Variants in DNAH6 observed in about 807,000 individuals in gnomAD.
DNAH6 encodes axonemal beta dynein heavy chain 6.
In DNAH6, 340 loss-of-function variants were observed where a neutral mutation model predicts 491.4. The ratio of observed to expected loss-of-function variants is 0.69; its 90% CI spans 0.63 to 0.76. The LOEUF (loss-of-function observed/expected upper bound fraction) is 0.76, where lower values mean the gene tolerates loss of function less well. DNAH6 is among the 30% of genes least tolerant of loss of function. DNAH6 has a pLI of 0.00. For missense variants in DNAH6, 4,443 were observed against 4,972.2 expected, an observed-to-expected ratio of 0.89 and a Z score of 3.20; for synonymous variants, 1,603 against 1,686.1, an observed-to-expected ratio of 0.95 and a Z score of 1.21.
upstream of DNAH6, among the ~76,000 whole-genome samples, chr2:84,513,040 C>A (rs190501274): frequency 2.6e-5 from 4 of 151,756 alleles, no homozygotes; most frequent in African/African-American, 7.2e-5. Flanking sequence ...TTTTTCAATT[C>A]TTTCACTATT....
chr2:84,773,896 T>A (rs1675875938), intron 64 of DNAH6, among the ~76,000 whole-genome samples: 1 of 152,134 alleles, frequency 6.6e-6, no homozygotes. Context: ...TTGAGAAGTG[T>A]CTATTCATAT....
the DNAH6 span, among the ~76,000 whole-genome samples, chr2:84,466,191 T>A: frequency 1.3e-5 from 2 of 152,222 alleles, no homozygotes; most frequent in Admixed American, 1.3e-4. Context: ...CCAGAAACCC[T>A]GTACAGGGAT....
At chr2:84,582,579 G>A (rs988249125) in intron 14 of DNAH6, among the ~76,000 whole-genome samples, 2 of 152,204 alleles carry the variant, frequency 1.3e-5, no homozygotes, top group African/African-American at 4.8e-5. Flanking sequence ...AGCCTCCTGA[G>A]TAGCTGGGAC....
intron 69 of DNAH6, among the ~76,000 whole-genome samples, chr2:84,797,128 A>C (rs1243462548): frequency 1.3e-5 from 2 of 152,226 alleles, no homozygotes; most frequent in Non-Finnish European, 2.9e-5. Flanking sequence ...TGTAGCTTTT[A>C]GTTTGGGCAA....
At position 84,640,449 on chromosome 2, in the gene DNAH6, G is replaced by T; in HGVS notation, c.4841G>T (p.Gly1614Val). Reference protein sequence around the residue: ...LIAEVILYSEGFESSKILARK... With the variant: ...LIAEVILYSEVFESSKILARK... ...TTCTAGGTAATTCTATATTCTGAAG[G>T]ATTTGAATCCAGTAAAATATTAGCA... Residue 1614 changes from glycine to valine, a missense_variant, in exon 32 of 77, where the codon GGA (glycine) becomes GTA (valine). By Grantham distance (109) the Gly-to-Val change is moderately radical (BLOSUM62 -3). Transcript: ENST00000389394. 1 of 1,512,516 alleles carries T rather than the reference G, an allele frequency of 6.6e-7. No homozygotes were observed. The highest frequency in any genetic ancestry group is 1.2e-5 in the South Asian group (1 of 82,966). The allele number at this position is 1,512,516 out of a possible 1,614,324, so 93.7% of individuals were successfully genotyped here.
chr2:84,766,683 G>A (rs963690508), intron 64 of DNAH6, among the ~76,000 whole-genome samples: 3 of 152,082 alleles, frequency 2.0e-5, no homozygotes, highest in Non-Finnish European at 4.4e-5. Context: ...AAATAGTGAA[G>A]AATATTTAGG....
intron 18 of DNAH6, among the ~76,000 whole-genome samples, chr2:84,596,514 A>G (rs867032512): frequency 2.0e-5 from 3 of 152,016 alleles, no homozygotes; most frequent in African/African-American, 7.2e-5. Context: ...TTTTTTCAGT[A>G]GAGACAGGGT....
intron 62 of DNAH6, among the ~76,000 whole-genome samples, chr2:84,737,871 T>C (rs1699648095): frequency 6.6e-6 from 1 of 152,028 alleles, no homozygotes; most frequent in Admixed American, 6.6e-5. Context: ...CTTCTGCTAG[T>C]TTGGAGTTTC....
At chr2:84,730,415 C>A (rs1039378963) in intron 61 of DNAH6, among the ~76,000 whole-genome samples, 2 of 152,188 alleles carry the variant, frequency 1.3e-5, no homozygotes, top group African/African-American at 4.8e-5. Context: ...TATATTCAGT[C>A]CATACAACTA....
the DNAH6 span, among the ~76,000 whole-genome samples, chr2:84,476,577 CTCT>C: frequency 6.6e-6 from 1 of 152,164 alleles, no homozygotes; most frequent in Non-Finnish European, 1.5e-5. Flanking sequence ...ACTCATCCTC[CTCT>C]TCTTCATCTG....
chr2:84,514,872 C>CACACACACAG (rs758583214), upstream of DNAH6, among the ~76,000 whole-genome samples: 107 of 150,648 alleles, frequency 7.1e-4, no homozygotes, highest in Non-Finnish European at 1.3e-3. Flanking sequence ...CACAGTCACA[C>CACACACACAG]ACACACACAC....
intron 10 of DNAH6, among the ~76,000 whole-genome samples, chr2:84,554,277 C>T (rs373770720): frequency 6.6e-6 from 1 of 152,174 alleles, no homozygotes; most frequent in East Asian, 1.9e-4. Flanking sequence ...TATCCCCCTA[C>T]CTTTGCTGCA....
chr2:84,489,297 G>A, the DNAH6 span, among the ~76,000 whole-genome samples: 1 of 152,042 alleles, frequency 6.6e-6, no homozygotes, highest in African/African-American at 2.4e-5. Flanking sequence ...TGTTGAATCA[G>A]GGAGGCATCA....
intron 41 of DNAH6, among the ~76,000 whole-genome samples, chr2:84,678,883 A>G (rs1311755156): frequency 6.6e-6 from 1 of 152,228 alleles, no homozygotes; most frequent in Non-Finnish European, 1.5e-5. Flanking sequence ...CAGGTGGGAA[A>G]GAATATTGCT....
the DNAH6 span, among the ~76,000 whole-genome samples, chr2:84,495,246 T>TCCAC: frequency 3.9e-5 from 6 of 152,246 alleles, no homozygotes; most frequent in Non-Finnish European, 7.3e-5. Flanking sequence ...CACTGCAACC[T>TCCAC]CCACCTCCCG....
At chr2:84,605,295 GTGAGCCGAGGTTACACCACCGCACT>G (rs951619663) in intron 19 of DNAH6, among the ~76,000 whole-genome samples, 180 bp from the exon 20 acceptor site, 1 of 148,566 alleles carries the variant, frequency 6.7e-6, no homozygotes, top group Non-Finnish European at 1.5e-5. Flanking sequence ...GGAGCTTGCA[GTGAGCCGAGGTTACACCACCGCACT>G]CCAGCCTGGG....
intron 15 of DNAH6, chr2:84,584,606 T>C (rs549002219): frequency 5.1e-6 from 1 of 196,344 alleles, no homozygotes; most frequent in African/African-American, 2.4e-5. Context: ...GTGAATACAT[T>C]TCAGACTATC....
At chr2:84,691,707 AC>A (rs1392917703) in intron 45 of DNAH6, among the ~76,000 whole-genome samples, 2 of 152,266 alleles carry the variant, frequency 1.3e-5, no homozygotes, top group Non-Finnish European at 2.9e-5. Context: ...GTATGTTTCA[AC>A]AAACTTTATT....
chr2:84,526,002 GTTA>G (rs981122852), intron 3 of DNAH6, among the ~76,000 whole-genome samples: 2 of 152,102 alleles, frequency 1.3e-5, no homozygotes, highest in South Asian at 2.1e-4. Flanking sequence ...TATTTTGAAT[GTTA>G]TTATAACTTT....
Sources: allele counts gnomAD v4.1 joint callset (sites outside exome capture counted in the v4.1 genomes callset), GRCh38; gene constraint gnomAD v4.1.1; transcripts MANE v1.5; gene names NCBI Gene and HGNC (gene_info 2026-07-23, HGNC 2026-07-21).